EPB41L4B: variants seen among roughly 807,000 people sequenced by gnomAD.
EPB41L4B encodes the protein erythrocyte membrane protein band 4.1 like 4B.
In EPB41L4B, 30 loss-of-function variants were observed where a neutral mutation model predicts 112.5. That is an observed-to-expected ratio of 0.27 (90% confidence interval 0.20 to 0.36). EPB41L4B has a LOEUF of 0.36. Among genes scored for constraint, EPB41L4B ranks in the 10% least tolerant of loss-of-function variants. The pLI, the probability that EPB41L4B is intolerant of heterozygous loss-of-function variation, is 1.00. For missense variants in EPB41L4B, 1,024 were observed against 1,133.3 expected, an observed-to-expected ratio of 0.90 and a Z score of 1.38; for synonymous variants, 408 against 439.7, an observed-to-expected ratio of 0.93 and a Z score of 0.90.
chr9:109,233,017 C>T (rs771177401), intron 15 of EPB41L4B, among the ~76,000 whole-genome samples: 3 of 152,176 alleles, frequency 2.0e-5, no homozygotes, highest in Non-Finnish European at 2.9e-5. Flanking sequence ...TGAGCATTAG[C>T]ATAGCAACAC....
chr9:109,253,183 G>C (rs939122809), intron 12 of EPB41L4B, among the ~76,000 whole-genome samples: 2 of 152,136 alleles, frequency 1.3e-5, no homozygotes, highest in African/African-American at 4.8e-5. Flanking sequence ...AGGTCTAAAA[G>C]AAGCAAAGAG....
chr9:109,263,636 C>T (rs575631318), intron 5 of EPB41L4B, among the ~76,000 whole-genome samples: 55 of 152,180 alleles, frequency 3.6e-4, no homozygotes, highest in Non-Finnish European at 5.7e-4. Context: ...CTCATTCATA[C>T]GTAATATTTC....
chr9:109,296,693 A>G (rs932032243), intron 1 of EPB41L4B, among the ~76,000 whole-genome samples: 1 of 151,692 alleles, frequency 6.6e-6, no homozygotes, highest in Non-Finnish European at 1.5e-5. Context: ...CAAGATTGGC[A>G]TGGGCAACAC....
At chr9:109,264,830 G>C in intron 5 of EPB41L4B, 150 bp downstream of exon 5, 1 of 552,982 alleles carries the variant, frequency 1.8e-6, no homozygotes, top group Non-Finnish European at 3.1e-6. Flanking sequence ...TAATGACAGT[G>C]ATACAAGTAT....
chr9:109,186,528 G>A (rs1832271893), intron 22 of EPB41L4B, among the ~76,000 whole-genome samples: 1 of 152,156 alleles, frequency 6.6e-6, no homozygotes, highest in African/African-American at 2.4e-5. Context: ...AGGCTGGAGT[G>A]CAGTCGTGTG....
chr9:109,313,387 C>T (rs1292650795), intron 1 of EPB41L4B, among the ~76,000 whole-genome samples: 2 of 152,196 alleles, frequency 1.3e-5, no homozygotes, highest in African/African-American at 2.4e-5. Context: ...TAGAGAGAGG[C>T]CACAGAGGCT....
chr9:109,231,514 T>C (rs1833952545), intron 15 of EPB41L4B, among the ~76,000 whole-genome samples: 1 of 152,236 alleles, frequency 6.6e-6, no homozygotes, highest in Non-Finnish European at 1.5e-5. Context: ...ACTTTTGACA[T>C]GAATTCCCTA....
intron 18 of EPB41L4B, 101 bp downstream of exon 18, chr9:109,207,823 T>C: frequency 6.9e-7 from 1 of 1,449,078 alleles, no homozygotes; most frequent in Non-Finnish European, 9.4e-7. Flanking sequence ...GACTGGACCC[T>C]GACTGACACA....
At chr9:109,184,236 T>C (rs1832173885) in intron 23 of EPB41L4B, among the ~76,000 whole-genome samples, 2 of 152,212 alleles carry the variant, frequency 1.3e-5, no homozygotes, top group Non-Finnish European at 2.9e-5. Flanking sequence ...TATTTATTTT[T>C]TGAGACGGAG....
At chr9:109,293,603 C>A (rs773134149) in intron 1 of EPB41L4B, among the ~76,000 whole-genome samples, 4 of 150,492 alleles carry the variant, frequency 2.7e-5, no homozygotes, top group Non-Finnish European at 5.9e-5. Context: ...AGGCTGGTCT[C>A]CAACTCCTGA....
At chr9:109,299,902 C>T (rs914112967) in intron 1 of EPB41L4B, among the ~76,000 whole-genome samples, 33 of 152,202 alleles carry the variant, frequency 2.2e-4, no homozygotes, top group African/African-American at 7.0e-4. Flanking sequence ...CCCCCATCCC[C>T]GCACTCACAG....
At chr9:109,241,056 C>T (rs1221700725) in intron 15 of EPB41L4B, 3 of 985,192 alleles carry the variant, frequency 3.0e-6, no homozygotes, top group African/African-American at 1.7e-5. Context: ...AAAGGAGTAA[C>T]TCTGTCAAGG....
At chr9:109,269,753 T>C (rs758029804) in intron 2 of EPB41L4B, among the ~76,000 whole-genome samples, 1 of 152,196 alleles carries the variant, frequency 6.6e-6, no homozygotes, top group Non-Finnish European at 1.5e-5. Flanking sequence ...ACTCATGAGT[T>C]ACTCAGAGTC....
At chr9:109,276,863 C>T (rs1238039202) in intron 2 of EPB41L4B, among the ~76,000 whole-genome samples, 1 of 152,188 alleles carries the variant, frequency 6.6e-6, no homozygotes, top group African/African-American at 2.4e-5. Context: ...ATGAAAGATA[C>T]CTCCTCCTTT....
intron 9 of EPB41L4B, 32 bp from the exon 10 acceptor site, chr9:109,255,875 A>G (rs755308019): frequency 3.8e-6 from 6 of 1,591,724 alleles, no homozygotes; most frequent in South Asian, 1.1e-5. Context: ...TAAAAGCACA[A>G]TCTGCAGTAA....
chr9:109,309,471 G>A (rs1487100458), intron 1 of EPB41L4B, among the ~76,000 whole-genome samples: 1 of 152,196 alleles, frequency 6.6e-6, no homozygotes, highest in African/African-American at 2.4e-5. Flanking sequence ...CTCAGAAGCG[G>A]AACGGGATAC....
At chr9:109,250,968 CTA>C (rs1461180399) in intron 13 of EPB41L4B, among the ~76,000 whole-genome samples, 1 of 152,234 alleles carries the variant, frequency 6.6e-6, no homozygotes, top group Non-Finnish European at 1.5e-5. Flanking sequence ...CAAACATGGA[CTA>C]TGTGGCCCTT....
At chr9:109,285,460 G>A (rs1836237799) in intron 1 of EPB41L4B, among the ~76,000 whole-genome samples, 1 of 152,126 alleles carries the variant, frequency 6.6e-6, no homozygotes, top group Admixed American at 6.5e-5. Flanking sequence ...CAACTCTGAT[G>A]CTTTTTTAAA....
chr9:109,238,860 G>GCACA, intron 15 of EPB41L4B, among the ~76,000 whole-genome samples: 2 of 152,334 alleles, frequency 1.3e-5, no homozygotes, highest in Middle Eastern at 6.8e-3. Flanking sequence ...AGTAACAGCA[G>GCACA]GGTGTGGCAC....
Sources: gnomAD v4.1 joint callset for allele counts (sites outside exome capture counted in the v4.1 genomes callset) on GRCh38, gnomAD v4.1.1 for gene constraint, MANE v1.5 for transcripts, NCBI Gene and HGNC (gene_info 2026-07-23, HGNC 2026-07-21) for gene names.